Variants in GABRA4 observed in about 807,000 individuals in gnomAD.
GABRA4 encodes the protein gamma-aminobutyric acid receptor subunit alpha-4.
In GABRA4, 12 loss-of-function variants were observed where a neutral mutation model predicts 49.7. That is an observed-to-expected ratio of 0.24 (90% confidence interval 0.15 to 0.39). The LOEUF is 0.39. Among genes scored for constraint, GABRA4 ranks in the 10% least tolerant of loss-of-function variants. The pLI is 1.00. For missense variants in GABRA4, 506 were observed against 686.0 expected (o/e 0.74, Z 2.93); for synonymous variants, 288 against 240.2 (o/e 1.20, Z -1.84).
chr4:46,977,310 GAGGGAGGA>G lies in GABRA4; in HGVS notation c.494+92_494+99del, dbSNP rs150464135. ...GGAGGGAGGAAGGGAGGGAGGAAGG[GAGGGAGGA>G]AGGGAGGGAGGAAGGAAGGAAGGAA... On this transcript the variant is annotated intron_variant, in intron 4 of 8. Transcript: ENST00000264318. 4.6e-4 allele frequency: 208 copies of G among 457,022 alleles called. 2 individuals carry two copies. The highest frequency in any genetic ancestry group is 2.4e-3 in the South Asian group (98 of 41,376). 28.3% of individuals were successfully genotyped at this position (457,022 alleles called of 1,614,324 possible).
intron 2 of GABRA4, among the ~76,000 whole-genome samples, chr4:46,989,147 C>T (rs541437945): frequency 6.6e-6 from 1 of 152,220 alleles, no homozygotes; most frequent in East Asian, 1.9e-4. Context: ...GATCATATGC[C>T]TCAAAAGATT....
rs1400282248 is a variant in GABRA4, at chr4:46,926,459, T to C, written c.*1766A>G. ...AGACAGCCAAGAATGATTTCTCAGA[T>C]ATGACTTACAATTAATATTTGGCAT... On this transcript the variant is annotated 3_prime_UTR_variant, in exon 9 of 9. Transcript: ENST00000264318. The C allele has an allele frequency of 6.6e-6, 1 of 151,918 alleles. No homozygotes were observed. The highest frequency in any genetic ancestry group is 1.5e-5 in the Non-Finnish European group (1 of 67,902). The allele number at this position is 151,918 out of a possible 1,614,324, so 9.4% of individuals were successfully genotyped here.
At chr4:46,937,109 C>G (rs762205802) in intron 8 of GABRA4, among the ~76,000 whole-genome samples, 9 of 152,178 alleles carry the variant, frequency 5.9e-5, no homozygotes, top group African/African-American at 4.8e-5. Context: ...GGAGCCCTGT[C>G]CCATGGAACT....
Position 46,928,142 on chromosome 4 carries a change from A to G in GABRA4, c.*83T>C, listed in dbSNP as rs1721297591. On this transcript the variant is annotated 3_prime_UTR_variant, in exon 9 of 9. Coordinates refer to ENST00000264318, the MANE Select transcript of GABRA4 (RefSeq NM_000809.4). ...TTACACAGAGTTTTTATTTTAGTAA[A>G]GAATATTTGTTTATATTTAAAAACA... 1 of 1,150,834 alleles carries G rather than the reference A, an allele frequency of 8.7e-7. No homozygotes were observed. Among genetic ancestry groups the G allele is most frequent in the Admixed American group, 2.8e-5 (1 of 35,718 alleles). 71.3% of individuals were successfully genotyped at this position (1,150,834 alleles called of 1,614,324 possible). A position where few individuals can be genotyped will look rare whatever the true frequency, so the allele number is the denominator to read the frequency against.
At chr4:46,971,351 T>G in intron 6 of GABRA4, 116 bp from the exon 7 acceptor site, 1 of 888,812 alleles carries the variant, frequency 1.1e-6, no homozygotes, top group Non-Finnish European at 1.8e-6. Flanking sequence ...TTCTCTTTTG[T>G]GCATAGCTAC....
intron 8 of GABRA4, among the ~76,000 whole-genome samples, chr4:46,953,012 T>C (rs1488036007): frequency 6.6e-6 from 1 of 152,102 alleles, no homozygotes; most frequent in African/African-American, 2.4e-5. Context: ...CACCTGGCTA[T>C]GTGTTAGGAA....
At chr4:46,953,695 G>A (rs975056720) in intron 8 of GABRA4, among the ~76,000 whole-genome samples, 1 of 152,080 alleles carries the variant, frequency 6.6e-6, no homozygotes, top group African/African-American at 2.4e-5. Flanking sequence ...TTCTCTGACC[G>A]CTTTCTACGT....
In GABRA4 at chr4:46,926,361, G is replaced by A. The variant is rs1028643987; in HGVS notation, c.*1864C>T. The A allele has an allele frequency of 6.6e-6, 1 of 151,726 alleles. No homozygotes were observed. The highest frequency in any genetic ancestry group is 1.5e-5 in the Non-Finnish European group (1 of 67,816). 9.4% of individuals were successfully genotyped at this position (151,726 alleles called of 1,614,324 possible). On this transcript the variant is annotated 3_prime_UTR_variant, in exon 9 of 9. Transcript: ENST00000264318. ...TTTTACTAGAATCAATTTTAAATTG[G>A]GGGGTTGGGACTGGGTGATTTCGAC...
rs1393817974 is a variant in GABRA4, at chr4:46,921,949, C to A, written c.*6276G>T. The A allele has an allele frequency of 2.0e-5, 3 of 151,996 alleles. No individual in the cohort carries two copies. The East Asian group carries it at 5.8e-4, about 29-fold the overall frequency. 9.4% of individuals were successfully genotyped at this position (151,996 alleles called of 1,614,324 possible). ...TGTAGATTTCAATAAGTATCATTAT[C>A]CTGCGATGTTTCAAACAAAGATGGT... is the stretch of plus-strand genomic sequence containing the variant. On this transcript the variant is annotated 3_prime_UTR_variant, in exon 9 of 9. Transcript: ENST00000264318.
chr4:46,930,812 G>T (rs1030408997), intron 8 of GABRA4, among the ~76,000 whole-genome samples: 2 of 150,868 alleles, frequency 1.3e-5, no homozygotes, highest in African/African-American at 2.4e-5. Flanking sequence ...TGCCTAAAAT[G>T]ACCCCCAAAA....
chr4:46,971,621 A>G (rs1172171408), intron 6 of GABRA4, among the ~76,000 whole-genome samples: 1 of 151,470 alleles, frequency 6.6e-6, no homozygotes, highest in Non-Finnish European at 1.5e-5. Context: ...AGAAATGCAC[A>G]CAGTTACACA....
In GABRA4 at chr4:46,965,076, A is replaced by G; in HGVS notation, c.1028T>C (p.Phe343Ser). The G allele has an allele frequency of 1.2e-6, 2 of 1,612,200 alleles. No individual in the cohort carries two copies. Among genetic ancestry groups the G allele is most frequent in the Non-Finnish European group, 1.7e-6 (2 of 1,178,866 alleles). ...GGCTTTTTCCATTTGAATATTGGTG[A>G]AATAGTTGACAGCAGCAAACTCGAT... ...ALIEFAAVNY[F>S]TNIQMEKAKR... Residue 343 changes from phenylalanine (F) to serine (S), a missense_variant, in exon 8 of 9, where the codon TTC becomes TCC. Around this residue, in one of 5 missense-constraint regions of GABRA4, gnomAD observed 243 missense variants for 210.8 expected, o/e 1.15. Coordinates refer to ENST00000264318, the MANE Select transcript of GABRA4 (RefSeq NM_000809.4).
chr4:46,974,233 C>G lies in GABRA4; in HGVS notation c.720G>C (p.Thr240=). 6.2e-7 allele frequency: 1 copy of G among 1,610,218 alleles called. No individual in the cohort carries two copies. The highest frequency in any genetic ancestry group is 1.1e-5 in the South Asian group (1 of 90,590). Residue 240 remains threonine, a splice_region_variant and synonymous_variant, in exon 6 of 9, where the codon ACG becomes ACC. Coordinates refer to ENST00000264318, the MANE Select transcript of GABRA4 (RefSeq NM_000809.4). ...GGCTTTAATCATTACACATCTCACC[C>G]GTAATTGATTTGATGGTTTCACTTG... ...TVSSETIKSI[T]GEYIVMTVYF...
At chr4:46,934,011 C>CA (rs988532790) in intron 8 of GABRA4, among the ~76,000 whole-genome samples, 7 of 151,392 alleles carry the variant, frequency 4.6e-5, no homozygotes, top group African/African-American at 7.3e-5. Flanking sequence ...TTATCAACTG[C>CA]AAAAAAAACT....
intron 8 of GABRA4, among the ~76,000 whole-genome samples, chr4:46,944,872 A>G (rs1271885110): frequency 6.6e-6 from 1 of 152,012 alleles, no homozygotes; most frequent in Non-Finnish European, 1.5e-5. Flanking sequence ...GAGTTTCTTT[A>G]AGGGCCTCAA....
chr4:46,983,059 G>A (rs1723413059), intron 2 of GABRA4, among the ~76,000 whole-genome samples: 1 of 152,012 alleles, frequency 6.6e-6, no homozygotes, highest in Non-Finnish European at 1.5e-5. Context: ...ACCCTCCAAA[G>A]GCGCTATCCT....
At chr4:46,933,802 T>G (rs1476340511) in intron 8 of GABRA4, among the ~76,000 whole-genome samples, 5 of 152,196 alleles carry the variant, frequency 3.3e-5, no homozygotes, top group African/African-American at 1.2e-4. Flanking sequence ...AAAAAGCACC[T>G]AAGCTTCATT....
intron 8 of GABRA4, among the ~76,000 whole-genome samples, chr4:46,957,281 C>CA (rs3046817): frequency 0.48 from 73,172 of 151,350 alleles, 18,008 homozygotes; most frequent in African/African-American, 0.55. Context: ...AGGATAAATA[C>CA]AAAAAAAATT....
rs1166957624 is a variant in GABRA4 at position 46,922,878 on chromosome 4, T to A, written c.*5347A>T. On this transcript the variant is annotated 3_prime_UTR_variant, in exon 9 of 9. Coordinates refer to ENST00000264318, the MANE Select transcript of GABRA4 (RefSeq NM_000809.4). ...CAGTGGTCCCCAACCCCTGGGCCACTGACCAGTACTTATCCATGACCTGTT... is the reference window on the plus strand; with the variant it reads ...CAGTGGTCCCCAACCCCTGGGCCACAGACCAGTACTTATCCATGACCTGTT... 2 of 152,148 alleles carry A rather than the reference T, an allele frequency of 1.3e-5. No individual in the cohort carries two copies. The highest frequency in any genetic ancestry group is 2.9e-5 in the Non-Finnish European group (2 of 68,012). 9.4% of individuals were successfully genotyped at this position (152,148 alleles called of 1,614,324 possible).
Sources: allele counts gnomAD v4.1 joint callset (sites outside exome capture counted in the v4.1 genomes callset), GRCh38; gene constraint gnomAD v4.1.1; regional missense constraint gnomAD v4.1.1; transcripts MANE v1.5; gene names NCBI Gene and HGNC (gene_info 2026-07-23, HGNC 2026-07-21).